Variants in ZBTB21 observed in about 807,000 individuals in gnomAD.
ZBTB21 encodes zinc finger and BTB domain-containing protein 21.
ZBTB21 carries 10 observed loss-of-function variants against 39.8 expected under a neutral mutation model. That is an observed-to-expected ratio of 0.25 (90% CI 0.16 to 0.43). The LOEUF is 0.43. Among genes scored for constraint, ZBTB21 ranks in the 20% least tolerant of loss-of-function variants. ZBTB21 has a pLI of 1.00. For missense variants in ZBTB21, 1,221 were observed against 1,296.3 expected (o/e 0.94, Z 0.89); for synonymous variants, 551 against 498.8 (o/e 1.10, Z -1.40).
intron 1 of ZBTB21, 41 bp downstream of exon 1, chr21:42,010,211 C>T: frequency 2.5e-6 from 1 of 396,760 alleles, no homozygotes; most frequent in Non-Finnish European, 4.4e-6. Flanking sequence ...CCCAAGGAGC[C>T]CCGCAGTTCT....
rs906625107 is a variant in ZBTB21 at position 41,988,591 on chromosome 21, A to C, written c.*2304T>G. On this transcript the variant is annotated 3_prime_UTR_variant, in exon 3 of 3. Coordinates refer to ENST00000310826, the MANE Select transcript of ZBTB21 (RefSeq NM_001098402.2). The stretch of plus-strand genomic sequence containing the variant: ...AAACTCTTTCAGCCTAATGCTTTTA[A>C]AGTACAGTATAAAAAGTAATAGAAA... The C allele has an allele frequency of 2.6e-5, 4 of 152,188 alleles. No homozygotes were observed. Among genetic ancestry groups the C allele is most frequent in the Non-Finnish European group, 5.9e-5 (4 of 68,002 alleles). The allele number at this position is 152,188 out of a possible 1,614,324, so 9.4% of individuals were successfully genotyped here.
At chr21:41,995,834 C>T (rs1158149705) in intron 2 of ZBTB21, among the ~76,000 whole-genome samples, 1 of 152,214 alleles carries the variant, frequency 6.6e-6, no homozygotes, top group Non-Finnish European at 1.5e-5. Flanking sequence ...GCCCTGTGTC[C>T]CAGGTGCTCT....
chr21:42,007,142 G>A (rs117930262), intron 1 of ZBTB21, among the ~76,000 whole-genome samples: 2 of 152,186 alleles, frequency 1.3e-5, no homozygotes, highest in Non-Finnish European at 2.9e-5. Flanking sequence ...GTCTCCCCAA[G>A]AGGACTGAAA....
At chr21:41,996,805 T>C (rs1269216858) in intron 2 of ZBTB21, among the ~76,000 whole-genome samples, 1 of 152,220 alleles carries the variant, frequency 6.6e-6, no homozygotes, top group Non-Finnish European at 1.5e-5. Context: ...GGGAAGTAAC[T>C]GGATCATGGG....
intron 1 of ZBTB21, among the ~76,000 whole-genome samples, chr21:42,008,234 A>C (rs944663724): frequency 6.7e-6 from 1 of 148,288 alleles, no homozygotes; most frequent in Non-Finnish European, 1.5e-5. Context: ...GGCTGGGCGC[A>C]GTGGCTCATG....
At chr21:41,996,895 T>C (rs1326981891) in intron 2 of ZBTB21, among the ~76,000 whole-genome samples, 1 of 152,170 alleles carries the variant, frequency 6.6e-6, no homozygotes, top group Non-Finnish European at 1.5e-5. Flanking sequence ...GGAGTTCCCC[T>C]GCACAAGTTC....
At chr21:42,008,558 A>AG (rs1393595016) in intron 1 of ZBTB21, among the ~76,000 whole-genome samples, 1 of 128,038 alleles carries the variant, frequency 7.8e-6, no homozygotes, top group Non-Finnish European at 1.8e-5. Context: ...AAAAAAAAAA[A>AG]AAAAGAAAAA....
chr21:41,989,825 T>C lies in ZBTB21; in HGVS notation c.*1070A>G, dbSNP rs1318912034. ...TCGTATATATTGTTCTTGGAAAGCA[T>C]GTTGAAACTGCAGTGAGGTGTTTCT... On this transcript the variant is annotated 3_prime_UTR_variant, in exon 3 of 3. Transcript: ENST00000310826. The C allele has an allele frequency of 6.6e-6, 1 of 152,190 alleles. No homozygotes were observed. Among genetic ancestry groups the C allele is most frequent in the African/African-American group, 2.4e-5 (1 of 41,452 alleles). 9.4% of individuals were successfully genotyped at this position (152,190 alleles called of 1,614,324 possible).
At chr21:42,003,909 CCTTCA>C (rs1159856913) in intron 1 of ZBTB21, among the ~76,000 whole-genome samples, 1 of 152,162 alleles carries the variant, frequency 6.6e-6, no homozygotes, top group East Asian at 1.9e-4. Flanking sequence ...GCTACAAAAC[CCTTCA>C]GAACTGGATT....
In ZBTB21 at chr21:41,993,435, C is replaced by T. The variant is rs1324679673; in HGVS notation, c.661G>A (p.Glu221Lys). 2 of 1,614,070 alleles carry T rather than the reference C, an allele frequency of 1.2e-6. No individual in the cohort carries two copies. The highest frequency in any genetic ancestry group is 1.3e-5 in the African/African-American group (1 of 74,930). ...DSSVVYAKSL[E>K]HSGSLDDPNR... The stretch of plus-strand genomic sequence containing the variant: ...GGATCATCCAAAGATCCAGAATGCT[C>T]AAGAGACTTTGCATATACCACAGAA... The change falls in exon 3 of 3, where the codon GAG (glutamate) becomes AAG (lysine). Residue 221 changes from glutamate (E) to lysine (K), a missense_variant. Around this residue, in one of 4 missense-constraint regions of ZBTB21, gnomAD observed 500 missense variants for 465.6 expected, o/e 1.07. Coordinates refer to ENST00000310826, the MANE Select transcript of ZBTB21 (RefSeq NM_001098402.2).
Position 41,993,511 on chromosome 21 carries a change from T to C in ZBTB21, c.585A>G (p.Ile195Met), listed in dbSNP as rs1347590306. ...NTNKPHVPKPIEPLHNLSLTE... is the reference protein window; with the variant it reads ...NTNKPHVPKPMEPLHNLSLTE... The stretch of plus-strand genomic sequence containing the variant: ...TTAATGACAAATTATGAAGTGGTTC[T>C]ATTGGTTTTGGGACATGTGGCTTAT... The change falls in exon 3 of 3, where the codon ATA becomes ATG. Residue 195 changes from isoleucine (I) to methionine (M), a missense_variant. Ile to Met is a conservative substitution (Grantham distance 10). Coordinates refer to ENST00000310826, the MANE Select transcript of ZBTB21 (RefSeq NM_001098402.2). The C allele has an allele frequency of 1.9e-6, 3 of 1,614,242 alleles. No homozygotes were observed. The highest frequency in any genetic ancestry group is 2.5e-6 in the Non-Finnish European group (3 of 1,180,040).
In ZBTB21 at chr21:41,991,315, G is replaced by A; in HGVS notation, c.2781C>T (p.His927=). 2 of 1,611,392 alleles carry A rather than the reference G, an allele frequency of 1.2e-6. No individual in the cohort carries two copies. The highest frequency in any genetic ancestry group is 2.2e-5 in the East Asian group (1 of 44,874). ...MFTVHKQLER[H]QELLCSVKPF... ...GTTTCACAGAGCACAGAAGCTCCTG[G>A]TGACGCTCCAGCTGCTTATGCACCG... Residue 927 remains histidine, a synonymous_variant, in exon 3 of 3, where the codon CAC becomes CAT. Coordinates refer to ENST00000310826, the MANE Select transcript of ZBTB21 (RefSeq NM_001098402.2). The surrounding 1 kb of genome is among the most constrained non-coding windows in gnomAD (Gnocchi z 4.9).
intron 1 of ZBTB21, among the ~76,000 whole-genome samples, chr21:42,004,055 A>G (rs917055954): frequency 6.8e-6 from 1 of 147,846 alleles, no homozygotes; most frequent in Non-Finnish European, 1.5e-5. Flanking sequence ...GCTGGAGTGC[A>G]GTGGCATGAT....
chr21:42,006,921 G>C lies in ZBTB21; in HGVS notation c.-79+3331C>G, dbSNP rs183733038. The stretch of plus-strand genomic sequence containing the variant: ...AAGCCAAAGAGAAGCCTCAGAAGAA[G>C]CCAACCCTGCTGACACCTTGTTCTT... On this transcript the variant is annotated intron_variant, in intron 1 of 2. Transcript: ENST00000310826. Among the ~76,000 whole-genome samples the C allele has an allele frequency of 1.1e-3, 174 of 152,320 alleles. 1 individual carries two copies. The highest frequency in any genetic ancestry group is 2.1e-3 in the Non-Finnish European group (143 of 68,024).
In ZBTB21 at chr21:41,993,751, A is replaced by T; in HGVS notation, c.345T>A (p.Thr115=). ...CTTGAGGTGTTTTAGAAACGATGTT[A>T]GTCAGAAAGGAAATCCCAAGACTAT... ...LGYSLGISFL[T]NIVSKTPQAP... The change falls in exon 3 of 3, where the codon ACT becomes ACA. Residue 115 remains threonine, a synonymous_variant. Coordinates refer to ENST00000310826, the MANE Select transcript of ZBTB21 (RefSeq NM_001098402.2). 4 of 1,614,242 alleles carry T rather than the reference A, an allele frequency of 2.5e-6. No homozygotes were observed. Among genetic ancestry groups the T allele is most frequent in the Non-Finnish European group, 3.4e-6 (4 of 1,180,034 alleles).
intron 1 of ZBTB21, among the ~76,000 whole-genome samples, chr21:42,007,558 C>T (rs1038141964): frequency 3.3e-5 from 5 of 152,042 alleles, no homozygotes; most frequent in African/African-American, 4.8e-5. Flanking sequence ...GAAATGTCAC[C>T]GACTCTACAA....
Position 41,992,302 on chromosome 21 carries a change from G to A in ZBTB21, c.1794C>T (p.His598=), listed in dbSNP as rs917392300. The change falls in exon 3 of 3, where the codon CAC becomes CAT. Residue 598 remains histidine, a synonymous_variant. Transcript: ENST00000310826. This position sits in a 1 kb window ranked among gnomAD's most constrained non-coding sequence, Gnocchi z 4.1. ...FKVWTHCQTQ[H]GIVKNPSPAS... ...CTGGTGATGGGTTCTTCACTATGCC[G>A]TGTTGGGTCTGACAGTGTGTCCACA... is the stretch of plus-strand genomic sequence containing the variant. The A allele has an allele frequency of 1.7e-5, 28 of 1,614,062 alleles. No homozygotes were observed. The highest frequency in any genetic ancestry group is 2.2e-5 in the East Asian group (1 of 44,894).
chr21:42,001,135 C>A (rs150611853), intron 2 of ZBTB21, among the ~76,000 whole-genome samples: 1 of 152,094 alleles, frequency 6.6e-6, no homozygotes, highest in African/African-American at 2.4e-5. Flanking sequence ...ACATGCTCAA[C>A]GTCATAGAGA....
At chr21:42,002,065 G>T (rs1344204089) in intron 2 of ZBTB21, among the ~76,000 whole-genome samples, 1 of 152,090 alleles carries the variant, frequency 6.6e-6, no homozygotes, top group Non-Finnish European at 1.5e-5. Flanking sequence ...GCGCCCTGGG[G>T]GCTAAAATAT....
Sources: allele counts gnomAD v4.1 joint callset (sites outside exome capture counted in the v4.1 genomes callset), GRCh38; gene constraint gnomAD v4.1.1; regional missense constraint gnomAD v4.1.1; non-coding constraint Gnocchi (gnomAD v3.1); transcripts MANE v1.5; gene names NCBI Gene and HGNC (gene_info 2026-07-23, HGNC 2026-07-21).